Variants in ZNF738 observed in about 807,000 individuals in gnomAD.
ZNF738 encodes the protein protein ZNF738.
ZNF738 carries 10 observed loss-of-function variants against 9.2 expected under a neutral mutation model. The observed-to-expected ratio is 1.09, with a 90% CI of 0.67 to 1.85. The LOEUF is 1.85. ZNF738 is among the 40% of genes most tolerant of loss of function. ZNF738 has a pLI of 0.00. For missense variants in ZNF738, 346 were observed against 283.6 expected (o/e 1.22, Z -1.58); for synonymous variants, 113 against 94.5 (o/e 1.20, Z -1.14).
intron 2 of ZNF738, among the ~76,000 whole-genome samples, chr19:21,366,186 C>T (rs2145222356): frequency 6.6e-6 from 1 of 152,182 alleles, no homozygotes; most frequent in South Asian, 2.1e-4. Flanking sequence ...CAGATTAATC[C>T]AAAAAGAATA....
Position 21,359,115 on chromosome 19 carries a change from C to A in ZNF738, c.-26C>A, listed in dbSNP as rs763052215. On this transcript the variant is annotated 5_prime_UTR_variant, in exon 1 of 5. Coordinates refer to ENST00000683779, the MANE Select transcript of ZNF738 (RefSeq NM_001355237.2). ...AGGTATTGGGAATCCACAGCTAAGACGCCGGGACACCCTGGAAGCCTAGAA... is the reference window on the plus strand; with the variant it reads ...AGGTATTGGGAATCCACAGCTAAGAAGCCGGGACACCCTGGAAGCCTAGAA... 4 of 1,022,970 alleles carry A rather than the reference C, an allele frequency of 3.9e-6. No individual in the cohort carries two copies. Among genetic ancestry groups the A allele is most frequent in the Non-Finnish European group, 4.7e-6 (3 of 642,954 alleles). 63.4% of individuals were successfully genotyped at this position (1,022,970 alleles called of 1,614,324 possible). A position where few individuals can be genotyped will look rare whatever the true frequency, so the allele number is the denominator to read the frequency against.
chr19:21,366,033 T>C (rs1254788474), intron 2 of ZNF738, among the ~76,000 whole-genome samples: 1 of 152,094 alleles, frequency 6.6e-6, no homozygotes, highest in Non-Finnish European at 1.5e-5. Context: ...GCAATATATT[T>C]TACAAGTTCA....
Position 21,387,936 on chromosome 19 carries a change from C to A in ZNF738, c.*4262C>A, listed in dbSNP as rs2145248211. Among the ~76,000 whole-genome samples, 1 of 152,014 alleles carries A rather than the reference C, an allele frequency of 6.6e-6. No homozygotes were observed. Among genetic ancestry groups the A allele is most frequent in the Middle Eastern group, 3.4e-3 (1 of 292 alleles). ...TAATAAATGTGGAAAAACACTTTTT[C>A]AAAAACTACATCAGAAAACACCAGA... On this transcript the variant is annotated 3_prime_UTR_variant, in exon 5 of 5. Transcript: ENST00000683779.
chr19:21,368,771 C>T (rs10410060), intron 2 of ZNF738, among the ~76,000 whole-genome samples: 2,021 of 151,858 alleles, frequency 0.013, 52 homozygotes, highest in African/African-American at 0.043. Context: ...AATTCTTACT[C>T]TGTTGCTCAG....
At chr19:21,367,703 A>C (rs1167450171) in intron 2 of ZNF738, among the ~76,000 whole-genome samples, 2 of 152,132 alleles carry the variant, frequency 1.3e-5, no homozygotes, top group South Asian at 2.1e-4. Flanking sequence ...ATGAAAACTC[A>C]GAGGAAAGGA....
chr19:21,359,668 G>A (rs1973655916), intron 1 of ZNF738, among the ~76,000 whole-genome samples: 1 of 152,192 alleles, frequency 6.6e-6, no homozygotes, highest in Non-Finnish European at 1.5e-5. Context: ...CAGAGGTCAG[G>A]AGATCAAGAC....
chr19:21,369,466 G>A (rs1298216491), intron 2 of ZNF738, among the ~76,000 whole-genome samples: 3 of 152,066 alleles, frequency 2.0e-5, no homozygotes, highest in African/African-American at 4.8e-5. Flanking sequence ...TTTATTCCGT[G>A]TCTTTGTTAT....
chr19:21,369,163 G>C (rs1329912198), intron 2 of ZNF738, among the ~76,000 whole-genome samples: 1 of 152,158 alleles, frequency 6.6e-6, no homozygotes, highest in Non-Finnish European at 1.5e-5. Context: ...ATGCAGTGGT[G>C]TGATCTTGGC....
Position 21,361,816 on chromosome 19 carries a change from TG to T in ZNF738, c.58del (p.Ala20LeufsTer16), listed in dbSNP as rs1342496553. The T allele has an allele frequency of 2.6e-6, 2 of 780,682 alleles. No homozygotes were observed. The highest frequency in any genetic ancestry group is 4.8e-5 in the East Asian group (2 of 41,246). The allele number at this position is 780,682 out of a possible 1,614,324, so 48.4% of individuals were successfully genotyped here. On this transcript the variant is annotated frameshift_variant, in exon 2 of 5. Coordinates refer to ENST00000683779, the MANE Select transcript of ZNF738 (RefSeq NM_001355237.2). LOFTEE classifies it high-confidence loss of function. ...CTGTCAAGGGGGCAAGTGGATACCCTGGGGCTGAGAGGAATCTTCTGGAGTA... is the reference window on the plus strand; with the variant it reads ...CTGTCAAGGGGGCAAGTGGATACCCTGGGCTGAGAGGAATCTTCTGGAGTA... Reference protein sequence around the residue: ...YPVKGASGYPGAERNLLEYSY... With the variant: ...YPVKGASGYPXAERNLLEYSY...
intron 2 of ZNF738, among the ~76,000 whole-genome samples, chr19:21,367,343 G>A (rs1212962174): frequency 1.3e-5 from 2 of 152,048 alleles, no homozygotes; most frequent in African/African-American, 4.8e-5. Context: ...CTTGAGAAAG[G>A]GCTCAGGAGT....
At chr19:21,375,803 C>A in intron 3 of ZNF738, 66 bp from the exon 4 acceptor site, 1 of 694,240 alleles carries the variant, frequency 1.4e-6, no homozygotes, top group Non-Finnish European at 2.7e-6. Context: ...CTTTACTAAG[C>A]ACAGTAATAG....
At chr19:21,380,377 G>T (rs1280899176) in intron 4 of ZNF738, among the ~76,000 whole-genome samples, 3 of 152,232 alleles carry the variant, frequency 2.0e-5, no homozygotes, top group Non-Finnish European at 2.9e-5. Context: ...GGCAGAGCAT[G>T]TGTCACCTAC....
chr19:21,377,008 G>T (rs914458698), intron 4 of ZNF738, among the ~76,000 whole-genome samples: 3 of 149,966 alleles, frequency 2.0e-5, no homozygotes, highest in Non-Finnish European at 3.0e-5. Context: ...CTATTTCTCT[G>T]TTAAAAATAA....
chr19:21,375,886 C>A lies in ZNF738; in HGVS notation c.241C>A (p.Pro81Thr). The change falls in exon 4 of 5, where the codon CCA (proline) becomes ACA (threonine). Residue 81 changes from proline (P) to threonine (T), a missense_variant. Pro to Thr is a conservative substitution (Grantham distance 38). Coordinates refer to ENST00000683779, the MANE Select transcript of ZNF738 (RefSeq NM_001355237.2). ...TAAATCAGGTATTGATGTCTCTAAG[C>A]CAGATCTGATCACCTGTCTGGAGCA... ...LVFLGIDVSK[P>T]DLITCLEQGK... is the part of the protein sequence containing the mutation. 1.3e-6 allele frequency: 1 copy of A among 795,404 alleles called. No individual in the cohort carries two copies. The highest frequency in any genetic ancestry group is 2.3e-6 in the Non-Finnish European group (1 of 434,776). The allele number at this position is 795,404 out of a possible 1,614,324, so 49.3% of individuals were successfully genotyped here.
rs540867557 is a variant in ZNF738 at position 21,361,840 on chromosome 19, G to A, written c.78G>A (p.Glu26=). ...GYPGAERNLL[E]YSYFEKGPLT... is the part of the protein sequence containing the mutation. ...CTGGGGCTGAGAGGAATCTTCTGGA[G>A]TACTCTTATTTTGAAAAGGTAACCC... The change falls in exon 2 of 5, where the codon GAG becomes GAA. Residue 26 remains glutamate, a synonymous_variant. Transcript: ENST00000683779. 2.5e-4 allele frequency: 196 copies of A among 780,404 alleles called. 3 individuals carry two copies. Among genetic ancestry groups the A allele is most frequent in the South Asian group, 1.2e-3 (92 of 74,590 alleles). The allele number at this position is 780,404 out of a possible 1,614,324, so 48.3% of individuals were successfully genotyped here. A position where few individuals can be genotyped will look rare whatever the true frequency, so the allele number is the denominator to read the frequency against.
chr19:21,383,606 A>T lies in ZNF738; in HGVS notation c.1060A>T (p.Asn354Tyr). 2.1e-6 allele frequency: 2 copies of T among 975,044 alleles called. No individual in the cohort carries two copies. Among genetic ancestry groups the T allele is most frequent in the South Asian group, 2.5e-5 (2 of 78,946 alleles). 60.4% of individuals were successfully genotyped at this position (975,044 alleles called of 1,614,324 possible). A position where few individuals can be genotyped will look rare whatever the true frequency, so the allele number is the denominator to read the frequency against. ...YKCEECGKAF[N>Y]WYSHLTRHKI... is the part of the protein sequence containing the mutation. Reference sequence around the variant, plus strand: ...ATGTGAGGAATGTGGCAAAGCTTTTAATTGGTACTCACACCTTACCAGACA... The same window carrying T: ...ATGTGAGGAATGTGGCAAAGCTTTTTATTGGTACTCACACCTTACCAGACA... The change falls in exon 5 of 5, where the codon AAT becomes TAT. Residue 354 changes from asparagine to tyrosine, a missense_variant. Asn to Tyr is a moderately radical substitution (Grantham distance 143). Coordinates refer to ENST00000683779, the MANE Select transcript of ZNF738 (RefSeq NM_001355237.2).
rs984845922 is a variant in ZNF738 at position 21,381,326 on chromosome 19, A to G, written c.320-1540A>G. On this transcript the variant is annotated intron_variant, in intron 4 of 4. Coordinates refer to ENST00000683779, the MANE Select transcript of ZNF738 (RefSeq NM_001355237.2). Reference sequence around the variant, plus strand: ...TTCAACATAGTCCATTTCCGCTCCTAAAACTGTTAGCTTTGCTTTCTTTTT... The same window carrying G: ...TTCAACATAGTCCATTTCCGCTCCTGAAACTGTTAGCTTTGCTTTCTTTTT... 5 of 1,558,208 alleles carry G rather than the reference A, an allele frequency of 3.2e-6. No homozygotes were observed. The Admixed American group carries it at 8.4e-5, about 26-fold the overall frequency.
chr19:21,375,482 T>C (rs978569494), intron 3 of ZNF738, 118 bp downstream of exon 3: 52 of 537,754 alleles, frequency 9.7e-5, no homozygotes, highest in African/African-American at 7.8e-4. Flanking sequence ...ATCCCTGTTT[T>C]CAAAAAATTG....
intron 2 of ZNF738, among the ~76,000 whole-genome samples, chr19:21,368,087 ATG>A (rs1446018038): frequency 6.6e-6 from 1 of 152,194 alleles, no homozygotes; most frequent in Non-Finnish European, 1.5e-5. Flanking sequence ...TTCTGCACGC[ATG>A]GGTTTTTCTT....
Sources: gnomAD v4.1 joint callset for allele counts (sites outside exome capture counted in the v4.1 genomes callset) on GRCh38, gnomAD v4.1.1 for gene constraint, MANE v1.5 for transcripts, NCBI Gene and HGNC (gene_info 2026-07-23, HGNC 2026-07-21) for gene names.